Variants in CHAF1A observed in about 807,000 individuals in gnomAD.
CHAF1A encodes CAF-1 subunit A.
CHAF1A carries 5 observed loss-of-function variants against 93.2 expected under a neutral mutation model. The observed-to-expected ratio is 0.05, with a 90% CI of 0.03 to 0.11. The LOEUF (loss-of-function observed/expected upper bound fraction) is 0.11. Ranked by LOEUF, CHAF1A falls within the 10% of genes least tolerant of loss-of-function variation. The probability of loss-of-function intolerance (pLI) is 1.00; values close to 1 mark genes in which losing one functional copy is unlikely to be tolerated. For synonymous variants in CHAF1A, 504 were observed against 510.3 expected, an observed-to-expected ratio of 0.99 and a Z score of 0.17; for missense variants, 1,102 against 1,259.9, an observed-to-expected ratio of 0.87 and a Z score of 1.90.
rs1349902972 is a variant in CHAF1A, at chr19:4,428,807, C to T, written c.1521C>T (p.Ser507=). Residue 507 remains serine (S), a synonymous_variant, in exon 8 of 15, where the codon TCC becomes TCT. Coordinates refer to ENST00000301280, the MANE Select transcript of CHAF1A (RefSeq NM_005483.3). ...TCCAGCAGCAGAGCGGCGAGTTCTC[C>T]TTCTTGAAAGACCTCAAAGGCCGGC... The part of the protein sequence containing the change: ...QLLQQQSGEF[S]FLKDLKGRQP... 3.1e-6 allele frequency: 5 copies of T among 1,614,086 alleles called. No homozygotes were observed. In the East Asian group the frequency reaches 8.9e-5, roughly 29 times the overall value.
chr19:4,430,514 T>C (rs1186475260), intron 10 of CHAF1A, 35 bp from the exon 11 acceptor site: 1 of 1,443,414 alleles, frequency 6.9e-7, no homozygotes, highest in Admixed American at 1.7e-5. Context: ...TCTGCTTTTC[T>C]ATCTGATGAA....
At chr19:4,403,934 C>T (rs913338324) in intron 1 of CHAF1A, among the ~76,000 whole-genome samples, 15 of 152,340 alleles carry the variant, frequency 9.8e-5, no homozygotes, top group Admixed American at 2.0e-4. Context: ...ATTCTTCTGC[C>T]TCAGCCTCCC....
Position 4,408,957 on chromosome 19 carries a change from T to C in CHAF1A, c.158T>C (p.Met53Thr). ...NLVPKGKADDMSDDQGTSVQS... is the reference protein window; with the variant it reads ...NLVPKGKADDTSDDQGTSVQS... ...GTCCCAAAGGGGAAAGCCGATGACA[T>C]GTCAGACGATCAGGGTACTTCTGTG... is the stretch of plus-strand genomic sequence containing the variant. The change falls in exon 3 of 15, where the codon ATG (methionine) becomes ACG (threonine). Residue 53 changes from methionine (M) to threonine (T), a missense_variant. This residue lies in a region of CHAF1A where 379 missense variants were observed against 365.7 expected (regional missense o/e 1.04). Coordinates refer to ENST00000301280, the MANE Select transcript of CHAF1A (RefSeq NM_005483.3). The C allele has an allele frequency of 6.2e-7, 1 of 1,613,880 alleles. No individual in the cohort carries two copies. The highest frequency in any genetic ancestry group is 8.5e-7 in the Non-Finnish European group (1 of 1,179,956).
In CHAF1A at chr19:4,433,185, G is replaced by A. The variant is rs762003232; in HGVS notation, c.2319G>A (p.Pro773=). 12 of 1,613,694 alleles carry A rather than the reference G, an allele frequency of 7.4e-6. No individual in the cohort carries two copies. Among genetic ancestry groups the A allele is most frequent in the Admixed American group, 1.7e-5 (1 of 60,000 alleles). The change falls in exon 13 of 15, where the codon CCG becomes CCA. Residue 773 remains proline (P), a synonymous_variant. Coordinates refer to ENST00000301280, the MANE Select transcript of CHAF1A (RefSeq NM_005483.3). The surrounding 1 kb of genome is among the most constrained non-coding windows in gnomAD (Gnocchi z 5.6). Reference sequence around the variant, plus strand: ...TGCTCAGCAACCACACCGGCAGCCCGCGGAGCCCCTCCACCACCTACCTGC... The same window carrying A: ...TGCTCAGCAACCACACCGGCAGCCCACGGAGCCCCTCCACCACCTACCTGC... The part of the protein sequence containing the change: ...RGLLSNHTGS[P]RSPSTTYLHT...
In CHAF1A at chr19:4,442,274, G is replaced by A; in HGVS notation, c.2703G>A (p.Gln901=). Reference sequence around the variant, plus strand: ...GTGCTGAAGACATGGACGGCTTCCAGGCAGACACGGAGGAGGAGGAAGAGG... The same window carrying A: ...GTGCTGAAGACATGGACGGCTTCCAAGCAGACACGGAGGAGGAGGAAGAGG... The part of the protein sequence containing the change: ...QIGAEDMDGF[Q]ADTEEEEEEE... The change falls in exon 14 of 15, where the codon CAG becomes CAA. Residue 901 remains glutamine (Q), a synonymous_variant. Transcript: ENST00000301280. 1 of 1,613,992 alleles carries A rather than the reference G, an allele frequency of 6.2e-7. No homozygotes were observed. Among genetic ancestry groups the A allele is most frequent in the East Asian group, 2.2e-5 (1 of 44,882 alleles).
intron 1 of CHAF1A, among the ~76,000 whole-genome samples, chr19:4,403,657 C>G (rs1973628429): frequency 6.6e-6 from 1 of 152,254 alleles, no homozygotes; most frequent in Non-Finnish European, 1.5e-5. Context: ...TTTTGCAGGC[C>G]AGTAGCAGCC....
chr19:4,430,596 C>T lies in CHAF1A; in HGVS notation c.1902C>T (p.Phe634=). 4.3e-6 allele frequency: 7 copies of T among 1,613,300 alleles called. No individual in the cohort carries two copies. Among genetic ancestry groups the T allele is most frequent in the Non-Finnish European group, 5.9e-6 (7 of 1,179,838 alleles). Residue 634 remains phenylalanine (F), a synonymous_variant, in exon 11 of 15, where the codon TTC becomes TTT. Coordinates refer to ENST00000301280, the MANE Select transcript of CHAF1A (RefSeq NM_005483.3). ...AGGATGAAGATGAGGACGATGGTTT[C>T]TTTGTGCCCCATGGGTACCTGTCTG... ...MGEDEDEDDG[F]FVPHGYLSED...
rs188599981 is a variant in CHAF1A, at chr19:4,429,421, G to A, written c.1605-17G>A. ...TGTAAGGCAGCGTGATCCTGAGCCT[G>A]GGGTTTTCCTTCTCAGTGATGTCGT... On this transcript the variant is annotated splice_polypyrimidine_tract_variant and intron_variant, in intron 8 of 14. Transcript: ENST00000301280. The A allele has an allele frequency of 6.2e-7, 1 of 1,612,364 alleles. No homozygotes were observed. The highest frequency in any genetic ancestry group is 1.7e-5 in the Admixed American group (1 of 59,564).
rs759164952 is a variant in CHAF1A at position 4,433,580 on chromosome 19, T to C, written c.2673+41T>C. 39 of 1,443,362 alleles carry C rather than the reference T, an allele frequency of 2.7e-5. No homozygotes were observed. The Middle Eastern group carries it at 9.7e-4, about 36-fold the overall frequency. 89.4% of individuals were successfully genotyped at this position (1,443,362 alleles called of 1,614,324 possible). A position where few individuals can be genotyped will look rare whatever the true frequency, so the allele number is the denominator to read the frequency against. ...CAGGTGGGGGCCTCTGCAGGGCTTT[T>C]CTTTTTTTGTTTGTTTTTTGTTGTT... is the stretch of plus-strand genomic sequence containing the variant. On this transcript the variant is annotated intron_variant, in intron 13 of 14. Coordinates refer to ENST00000301280, the MANE Select transcript of CHAF1A (RefSeq NM_005483.3). This position sits in a 1 kb window ranked among gnomAD's most constrained non-coding sequence, Gnocchi z 5.6.
intron 6 of CHAF1A, 44 bp from the exon 7 acceptor site, chr19:4,423,762 C>G (rs1974032030): frequency 6.3e-7 from 1 of 1,580,864 alleles, no homozygotes; most frequent in African/African-American, 1.3e-5. Context: ...ACATACTGTT[C>G]CTCTTCCTCT....
intron 3 of CHAF1A, among the ~76,000 whole-genome samples, chr19:4,413,468 T>C (rs1599642006): frequency 6.6e-6 from 1 of 152,182 alleles, no homozygotes; most frequent in African/African-American, 2.4e-5. Context: ...GTTTTTGCAC[T>C]TTACCTCCCT....
chr19:4,410,627 C>A (rs1296603939), intron 3 of CHAF1A, among the ~76,000 whole-genome samples: 2 of 152,090 alleles, frequency 1.3e-5, no homozygotes, highest in South Asian at 4.1e-4. Flanking sequence ...GTAATCTGCC[C>A]GTCTTGGCCT....
downstream of CHAF1A, chr19:4,445,868 A>C: frequency 1.8e-6 from 2 of 1,086,908 alleles, no homozygotes; most frequent in Non-Finnish European, 2.6e-6. Context: ...GGCGTGGAGT[A>C]GTTATGAACT....
At chr19:4,428,914 T>C in intron 8 of CHAF1A, 24 bp downstream of exon 8, 1 of 1,594,102 alleles carries the variant, frequency 6.3e-7, no homozygotes, top group Non-Finnish European at 8.6e-7. Flanking sequence ...GAGGTCGGCC[T>C]TCACCCACTA....
intron 13 of CHAF1A, among the ~76,000 whole-genome samples, chr19:4,434,073 A>G (rs1272588202): frequency 6.6e-6 from 1 of 151,996 alleles, no homozygotes; most frequent in Non-Finnish European, 1.5e-5. Flanking sequence ...CAGGCCAGGC[A>G]CTGTGGCTCA....
intron 13 of CHAF1A, among the ~76,000 whole-genome samples, chr19:4,441,721 C>G (rs538555701): frequency 6.6e-6 from 1 of 151,368 alleles, no homozygotes; most frequent in East Asian, 2.0e-4. Context: ...CCGGATAACA[C>G]GATGAAACCC....
At chr19:4,413,528 G>T (rs1232855688) in intron 3 of CHAF1A, among the ~76,000 whole-genome samples, 2 of 152,212 alleles carry the variant, frequency 1.3e-5, no homozygotes, top group Non-Finnish European at 2.9e-5. Flanking sequence ...GAAGCTTGCA[G>T]ATTGTTTCGC....
rs544163279 is a variant in CHAF1A, at chr19:4,435,518, C to T, written c.2673+1979C>T. ...CCTCCTCAGTAGCTGAGAGGGACTA[C>T]AGGTGCATGCCACCACACCCAGCTA... On this transcript the variant is annotated intron_variant, in intron 13 of 14. Coordinates refer to ENST00000301280, the MANE Select transcript of CHAF1A (RefSeq NM_005483.3). 3.3e-5 allele frequency among the ~76,000 whole-genome samples: 5 copies of T among 152,158 alleles called. No individual in the cohort carries two copies. The South Asian group carries it at 8.3e-4, about 25-fold the overall frequency.
chr19:4,434,734 T>G (rs1455582628), intron 13 of CHAF1A, among the ~76,000 whole-genome samples: 1 of 152,206 alleles, frequency 6.6e-6, no homozygotes, highest in Non-Finnish European at 1.5e-5. Context: ...TTCTTGAATT[T>G]TGCATTCAAG....
Sources: allele counts gnomAD v4.1 joint callset (sites outside exome capture counted in the v4.1 genomes callset), GRCh38; gene constraint gnomAD v4.1.1; regional missense constraint gnomAD v4.1.1; non-coding constraint Gnocchi (gnomAD v3.1); transcripts MANE v1.5; gene names NCBI Gene and HGNC (gene_info 2026-07-23, HGNC 2026-07-21).